Variants in RAB3C observed in about 807,000 individuals in gnomAD.
The protein encoded by RAB3C is ras-related protein Rab-3C.
Under a neutral mutation model 26.4 loss-of-function variants are expected in RAB3C, and 17 were observed. The observed-to-expected ratio is 0.64, with a 90% CI of 0.44 to 0.97. RAB3C has a LOEUF of 0.97. Ranked by LOEUF, RAB3C falls within the 50% of genes least tolerant of loss-of-function variation. RAB3C has a pLI of 0.00. For missense variants in RAB3C, 242 were observed against 281.9 expected (o/e 0.86, Z 1.01); for synonymous variants, 91 against 95.9 (o/e 0.95, Z 0.30).
intron 1 of RAB3C, among the ~76,000 whole-genome samples, chr5:58,616,097 T>C (rs1746820538): frequency 6.6e-6 from 1 of 152,060 alleles, no homozygotes; most frequent in Non-Finnish European, 1.5e-5. Flanking sequence ...TTGGAGCCTC[T>C]CCCTTTTCCT....
At chr5:58,729,930 T>C (rs540894051) in intron 3 of RAB3C, among the ~76,000 whole-genome samples, 220 of 147,828 alleles carry the variant, frequency 1.5e-3, no homozygotes, top group Non-Finnish European at 2.6e-3. Flanking sequence ...TATACACATA[T>C]ACATATCCTA....
At chr5:58,761,830 A>G (rs1741802377) in intron 3 of RAB3C, among the ~76,000 whole-genome samples, 4 of 152,186 alleles carry the variant, frequency 2.6e-5, no homozygotes, top group African/African-American at 9.7e-5. Context: ...AAAGCATATT[A>G]ATTTTGTATG....
In RAB3C at chr5:58,851,277, G is replaced by A. The variant is rs774687284; in HGVS notation, c.610G>A (p.Ala204Thr). 15 of 1,613,860 alleles carry A rather than the reference G, an allele frequency of 9.3e-6. No homozygotes were observed. The highest frequency in any genetic ancestry group is 1.3e-5 in the Non-Finnish European group (15 of 1,179,904). Residue 204 changes from alanine (A) to threonine (T), a missense_variant, in exon 5 of 5, where the codon GCC becomes ACC. Transcript: ENST00000282878. ...KMSESLETDP[A>T]ITAAKQNTRL... is the part of the protein sequence containing the mutation. ...GTCAGAGAGTTTGGAGACTGATCCTGCCATCACTGCTGCAAAGCAGAACAC... is the reference window on the plus strand; with the variant it reads ...GTCAGAGAGTTTGGAGACTGATCCTACCATCACTGCTGCAAAGCAGAACAC...
intron 2 of RAB3C, among the ~76,000 whole-genome samples, chr5:58,709,324 G>A (rs1160978024): frequency 6.6e-6 from 1 of 152,164 alleles, no homozygotes; most frequent in Non-Finnish European, 1.5e-5. Flanking sequence ...GGCCCTGGGT[G>A]CCCATGGGAC....
At chr5:58,629,426 G>A (rs1240309915) in intron 2 of RAB3C, among the ~76,000 whole-genome samples, 2 of 152,208 alleles carry the variant, frequency 1.3e-5, no homozygotes, top group South Asian at 2.1e-4. Context: ...AGTGTGCTAC[G>A]CAAAGTGCTA....
intron 2 of RAB3C, among the ~76,000 whole-genome samples, chr5:58,709,015 TA>T (rs2111892266): frequency 6.6e-6 from 1 of 152,322 alleles, no homozygotes; most frequent in African/African-American, 2.4e-5. Context: ...TTTTCACACA[TA>T]AATCAATATA....
chr5:58,786,848 G>GC (rs1477477878), intron 3 of RAB3C, among the ~76,000 whole-genome samples: 1 of 151,154 alleles, frequency 6.6e-6, no homozygotes, highest in South Asian at 2.1e-4. Flanking sequence ...CCCCCCGCCA[G>GC]CCCCCCGCAT....
chr5:58,676,122 G>A (rs1266992867), intron 2 of RAB3C, among the ~76,000 whole-genome samples: 1 of 152,126 alleles, frequency 6.6e-6, no homozygotes, highest in Non-Finnish European at 1.5e-5. Flanking sequence ...CTTTCTGAGG[G>A]GTTCTCTGAA....
intron 2 of RAB3C, among the ~76,000 whole-genome samples, chr5:58,690,503 T>C (rs1748549073): frequency 6.6e-6 from 1 of 152,168 alleles, no homozygotes; most frequent in African/African-American, 2.4e-5. Context: ...ACAGCTAGTG[T>C]TGGCTGCAAT....
At chr5:58,748,300 T>G (rs181211079) in intron 3 of RAB3C, among the ~76,000 whole-genome samples, 149 of 152,324 alleles carry the variant, frequency 9.8e-4, no homozygotes, top group Non-Finnish European at 1.7e-3. Flanking sequence ...GTGTTTATCC[T>G]TGATATTTTA....
chr5:58,818,621 A>G (rs1177853130), intron 3 of RAB3C, among the ~76,000 whole-genome samples: 1 of 152,258 alleles, frequency 6.6e-6, no homozygotes, highest in Non-Finnish European at 1.5e-5. Context: ...GGTGACCAGC[A>G]TATGGCTTCT....
At chr5:58,675,926 C>G (rs568208573) in intron 2 of RAB3C, among the ~76,000 whole-genome samples, 1 of 151,558 alleles carries the variant, frequency 6.6e-6, no homozygotes, top group Non-Finnish European at 1.5e-5. Flanking sequence ...TTCAGCAGGC[C>G]CCAGCTGGCC....
At chr5:58,786,503 C>G (rs1347924553) in intron 3 of RAB3C, among the ~76,000 whole-genome samples, 1 of 152,174 alleles carries the variant, frequency 6.6e-6, no homozygotes, top group African/African-American at 2.4e-5. Flanking sequence ...CTCCCCGCCC[C>G]TTCAGCACAG....
At chr5:58,599,050 A>G (rs1746392576) in intron 1 of RAB3C, among the ~76,000 whole-genome samples, 2 of 152,106 alleles carry the variant, frequency 1.3e-5, no homozygotes, top group Admixed American at 1.3e-4. Flanking sequence ...AAAACAAAAC[A>G]AAATAAAACA....
At chr5:58,730,357 G>A (rs1331032404) in intron 3 of RAB3C, among the ~76,000 whole-genome samples, 1 of 151,960 alleles carries the variant, frequency 6.6e-6, no homozygotes, top group African/African-American at 2.4e-5. Context: ...AAAGCCCTTT[G>A]GGGAAAACCA....
intron 3 of RAB3C, among the ~76,000 whole-genome samples, chr5:58,733,374 C>T (rs1382238294): frequency 1.3e-5 from 2 of 152,180 alleles, no homozygotes; most frequent in Non-Finnish European, 2.9e-5. Context: ...AACAATCACA[C>T]TGGAAGCTGC....
intron 4 of RAB3C, among the ~76,000 whole-genome samples, chr5:58,848,921 G>A (rs568720743): frequency 3.9e-5 from 6 of 152,102 alleles, no homozygotes; most frequent in African/African-American, 1.4e-4. Flanking sequence ...TGAATAAATA[G>A]GTGCCATTAT....
intron 4 of RAB3C, 125 bp downstream of exon 4, chr5:58,825,287 C>A: frequency 1.0e-6 from 1 of 1,000,784 alleles, no homozygotes; most frequent in Non-Finnish European, 1.4e-6. Flanking sequence ...GAGTGGAAAG[C>A]AACATAATCC....
chr5:58,620,624 A>G (rs1351625254), intron 2 of RAB3C, among the ~76,000 whole-genome samples: 2 of 152,208 alleles, frequency 1.3e-5, no homozygotes, highest in Non-Finnish European at 2.9e-5. Flanking sequence ...TTAATTTATT[A>G]CTATCCTATT....
Sources: allele counts gnomAD v4.1 joint callset (sites outside exome capture counted in the v4.1 genomes callset), GRCh38; gene constraint gnomAD v4.1.1; transcripts MANE v1.5; gene names NCBI Gene and HGNC (gene_info 2026-07-23, HGNC 2026-07-21).